Variants in NEK11 observed in about 807,000 individuals in gnomAD.
NEK11 encodes the protein serine/threonine-protein kinase Nek11.
A neutral mutation model predicts 80.7 loss-of-function variants in NEK11; 72 were observed. The ratio of observed to expected loss-of-function variants is 0.89; its 90% CI spans 0.74 to 1.08. The LOEUF (loss-of-function observed/expected upper bound fraction) is 1.08, where lower values mean the gene tolerates loss of function less well. Ranked by LOEUF, NEK11 falls within the 50% of genes least tolerant of loss-of-function variation. The pLI is 0.00. For synonymous variants in NEK11, 251 were observed against 260.7 expected, an observed-to-expected ratio of 0.96 and a Z score of 0.36; for missense variants, 764 against 763.6, an observed-to-expected ratio of 1.00 and a Z score of -0.01.
intron 4 of NEK11, among the ~76,000 whole-genome samples, chr3:131,086,105 TA>T (rs879731602): frequency 6.6e-6 from 1 of 152,230 alleles, no homozygotes; most frequent in African/African-American, 2.4e-5. Context: ...GTACCAGCTG[TA>T]TCTTATTACT....
intron 17 of NEK11, among the ~76,000 whole-genome samples, chr3:131,347,082 C>A (rs1038145491): frequency 6.6e-6 from 1 of 152,102 alleles, no homozygotes; most frequent in African/African-American, 2.4e-5. Flanking sequence ...GTGGGGGTGA[C>A]TGAGGTGACT....
chr3:131,046,304 G>A (rs1043529476), intron 3 of NEK11, among the ~76,000 whole-genome samples: 1 of 152,126 alleles, frequency 6.6e-6, no homozygotes, highest in Non-Finnish European at 1.5e-5. Flanking sequence ...TGGCTTGGTA[G>A]TGGTGAATTC....
intron 17 of NEK11, among the ~76,000 whole-genome samples, chr3:131,318,640 T>C (rs2096867416): frequency 6.6e-6 from 1 of 151,832 alleles, no homozygotes; most frequent in South Asian, 2.1e-4. Flanking sequence ...TGTGGTGAGC[T>C]CTCTAGAGTA....
At chr3:131,059,682 AGATGATGTTTTAG>A (rs1313278762) in intron 3 of NEK11, among the ~76,000 whole-genome samples, 1 of 152,218 alleles carries the variant, frequency 6.6e-6, no homozygotes, top group Non-Finnish European at 1.5e-5. Context: ...TTGCATTGAC[AGATGATGTTTTAG>A]TTCTTTTAAG....
intron 3 of NEK11, among the ~76,000 whole-genome samples, chr3:131,031,746 A>G (rs2064878969): frequency 6.6e-6 from 1 of 152,150 alleles, no homozygotes; most frequent in African/African-American, 2.4e-5. Context: ...TTAAAAAAAC[A>G]CATGACTGGA....
At chr3:131,156,997 G>A (rs1337338876) in intron 10 of NEK11, among the ~76,000 whole-genome samples, 1 of 151,654 alleles carries the variant, frequency 6.6e-6, no homozygotes, top group Non-Finnish European at 1.5e-5. Context: ...GCTGGGAGGA[G>A]GATGAGGCAA....
chr3:131,253,259 A>C (rs2095742421), intron 16 of NEK11, among the ~76,000 whole-genome samples: 1 of 152,172 alleles, frequency 6.6e-6, no homozygotes, highest in African/African-American at 2.4e-5. Context: ...CATGGAAAAC[A>C]AATTGTCTTA....
At chr3:131,300,095 A>G (rs2096644643) in intron 17 of NEK11, among the ~76,000 whole-genome samples, 2 of 152,132 alleles carry the variant, frequency 1.3e-5, no homozygotes, top group Admixed American at 6.5e-5. Flanking sequence ...ATGGTATCTC[A>G]TTGTGGTTTT....
Position 131,134,903 on chromosome 3 carries a change from G to A in NEK11, c.647+947G>A, listed in dbSNP as rs190704360. 6.8e-4 allele frequency among the ~76,000 whole-genome samples: 103 copies of A among 152,212 alleles called. 1 individual carries two copies. The highest frequency in any genetic ancestry group is 6.8e-3 in the Middle Eastern group (2 of 294). ...GATCCTATTTCTTTTCCTTAGAAGA[G>A]GAATCTTATTATATACTTTTCTGCT... On this transcript the variant is annotated intron_variant, in intron 7 of 17. Coordinates refer to ENST00000383366, the MANE Select transcript of NEK11 (RefSeq NM_024800.5).
intron 17 of NEK11, among the ~76,000 whole-genome samples, chr3:131,309,297 C>T (rs1468386763): frequency 6.6e-6 from 1 of 152,180 alleles, no homozygotes; most frequent in Non-Finnish European, 1.5e-5. Context: ...TTTTCACATA[C>T]TCTTTCCTAA....
rs1581136926 is a variant in NEK11, at chr3:131,266,863, C to G, written c.1622-6615C>G. Among the ~76,000 whole-genome samples, 8 of 152,280 alleles carry G rather than the reference C, an allele frequency of 5.3e-5. No individual in the cohort carries two copies. The South Asian group carries it at 1.7e-3, about 32-fold the overall frequency. On this transcript the variant is annotated intron_variant, in intron 16 of 17. Transcript: ENST00000383366. Reference sequence around the variant, plus strand: ...GTCTCTGAGGGCTTGCTTTATGAATCTAGGTGCTCCTGTATTGGGTGCTTA... The same window carrying G: ...GTCTCTGAGGGCTTGCTTTATGAATGTAGGTGCTCCTGTATTGGGTGCTTA...
At chr3:131,118,600 C>A (rs2081745537) in intron 5 of NEK11, among the ~76,000 whole-genome samples, 1 of 152,100 alleles carries the variant, frequency 6.6e-6, no homozygotes, top group Admixed American at 6.5e-5. Flanking sequence ...TCCATCTGGT[C>A]CTGGACTTTT....
At chr3:131,262,484 T>A (rs982115535) in intron 16 of NEK11, among the ~76,000 whole-genome samples, 3 of 152,208 alleles carry the variant, frequency 2.0e-5, no homozygotes, top group African/African-American at 7.2e-5. Flanking sequence ...ATAATTTTAC[T>A]TTTTCCTTTC....
At chr3:131,319,057 C>G in intron 17 of NEK11, among the ~76,000 whole-genome samples, 1 of 151,662 alleles carries the variant, frequency 6.6e-6, no homozygotes, top group Middle Eastern at 3.5e-3. Flanking sequence ...TTGACATAAA[C>G]TTTTTTTTAC....
Position 131,165,457 on chromosome 3 carries a change from A to G in NEK11, c.1114A>G (p.Ser372Gly), listed in dbSNP as rs1426489470. The G allele has an allele frequency of 6.8e-6, 11 of 1,612,740 alleles. No individual in the cohort carries two copies. The highest frequency in any genetic ancestry group is 9.3e-6 in the Non-Finnish European group (11 of 1,178,696). ...KIVEEKYEEN[S>G]KRMQELRSRN... ...TGTGGAAGAAAAATATGAAGAAAAT[A>G]GCAAACGAATGCAAGAATTGAGATC... is the stretch of plus-strand genomic sequence containing the variant. The change falls in exon 12 of 18, where the codon AGC becomes GGC. Residue 372 changes from serine (S) to glycine (G), a missense_variant. By Grantham distance (56) the Ser-to-Gly change is moderately conservative (BLOSUM62 0). Coordinates refer to ENST00000383366, the MANE Select transcript of NEK11 (RefSeq NM_024800.5).
At chr3:131,192,460 A>G (rs982919705) in intron 14 of NEK11, among the ~76,000 whole-genome samples, 1 of 152,182 alleles carries the variant, frequency 6.6e-6, no homozygotes, top group Non-Finnish European at 1.5e-5. Flanking sequence ...AATTGAAAGC[A>G]GGGTCTCAAA....
At chr3:131,087,368 C>G (rs554329605) in intron 4 of NEK11, among the ~76,000 whole-genome samples, 12 of 151,800 alleles carry the variant, frequency 7.9e-5, no homozygotes, top group African/African-American at 2.7e-4. Context: ...CTCAGCCTCC[C>G]GGGTAGCTGT....
chr3:131,326,527 T>G (rs1178964017), intron 17 of NEK11, among the ~76,000 whole-genome samples: 1 of 152,330 alleles, frequency 6.6e-6, no homozygotes, highest in East Asian at 1.9e-4. Flanking sequence ...TTGGCTTGTA[T>G]GACTCATCTT....
At chr3:131,307,893 C>T (rs537349870) in intron 17 of NEK11, among the ~76,000 whole-genome samples, 8 of 152,230 alleles carry the variant, frequency 5.3e-5, no homozygotes, top group East Asian at 3.9e-4. Context: ...AAGGGTCTAA[C>T]GTTATTCAGT....
Sources: gnomAD v4.1 joint callset for allele counts (sites outside exome capture counted in the v4.1 genomes callset) on GRCh38, gnomAD v4.1.1 for gene constraint, MANE v1.5 for transcripts, NCBI Gene and HGNC (gene_info 2026-07-23, HGNC 2026-07-21) for gene names.